The following SLIT3 variants were observed in gnomAD, a reference collection of about 807,000 sequenced individuals.
SLIT3 encodes the protein slit guidance ligand 3.
A neutral mutation model predicts 184.0 loss-of-function variants in SLIT3; 68 were observed. The observed-to-expected ratio is 0.37, with a 90% CI of 0.30 to 0.45. The LOEUF is 0.45. Among genes scored for constraint, SLIT3 ranks in the 20% least tolerant of loss-of-function variants. The pLI, the probability that SLIT3 is intolerant of heterozygous loss-of-function variation, is 1.00. For missense variants in SLIT3, 1,707 were observed against 2,026.0 expected (o/e 0.84, Z 3.02); for synonymous variants, 831 against 828.6 (o/e 1.00, Z -0.05).
chr5:169,267,278 T>A (rs1346206318), intron 1 of SLIT3, among the ~76,000 whole-genome samples: 1 of 152,170 alleles, frequency 6.6e-6, no homozygotes, highest in Non-Finnish European at 1.5e-5. Flanking sequence ...TATAGAGTCC[T>A]AAAGGGTGAA....
At chr5:169,156,724 T>C (rs1256415963) in intron 4 of SLIT3, among the ~76,000 whole-genome samples, 1 of 152,198 alleles carries the variant, frequency 6.6e-6, no homozygotes, top group African/African-American at 2.4e-5. Context: ...CCTGATGATA[T>C]ACATAAAAAG....
rs77536267 is a variant in SLIT3 at position 168,706,294 on chromosome 5, G to A, written c.2844+1682C>T. Reference sequence around the variant, plus strand: ...TTCTTACGGCAAACCTATGAGACAGGTCCTAGTTTGCAGCTGGGAAGACAG... The same window carrying A: ...TTCTTACGGCAAACCTATGAGACAGATCCTAGTTTGCAGCTGGGAAGACAG... On this transcript the variant is annotated intron_variant, in intron 26 of 35. Transcript: ENST00000519560. Among the ~76,000 whole-genome samples the A allele has an allele frequency of 3.4e-4, 52 of 152,298 alleles. No individual in the cohort carries two copies. The East Asian group carries it at 7.4e-3, about 22-fold the overall frequency.
At chr5:169,295,431 C>T (rs1224728247) in intron 1 of SLIT3, among the ~76,000 whole-genome samples, 1 of 152,258 alleles carries the variant, frequency 6.6e-6, no homozygotes, top group African/African-American at 2.4e-5. Context: ...GGGACTGCCT[C>T]AGGCTACATT....
intron 4 of SLIT3, among the ~76,000 whole-genome samples, chr5:169,159,874 A>G (rs1222296641): frequency 6.6e-6 from 1 of 152,238 alleles, no homozygotes; most frequent in Non-Finnish European, 1.5e-5. Flanking sequence ...CAACCAGCAC[A>G]TGCCCTTTCC....
At chr5:168,924,676 AT>A (rs1219739229) in intron 4 of SLIT3, among the ~76,000 whole-genome samples, 1 of 151,708 alleles carries the variant, frequency 6.6e-6, no homozygotes, top group Non-Finnish European at 1.5e-5. Flanking sequence ...CACCCTACTA[AT>A]TTTTTTTGTA....
At chr5:169,137,922 C>A (rs777402855) in intron 4 of SLIT3, among the ~76,000 whole-genome samples, 26 of 152,242 alleles carry the variant, frequency 1.7e-4, no homozygotes, top group Non-Finnish European at 3.4e-4. Flanking sequence ...CTTGTCTCAC[C>A]TCTCTCTCAT....
At chr5:168,707,070 GGGCTCA>G (rs1391853703) in intron 26 of SLIT3, 1 of 152,240 alleles carries the variant, frequency 6.6e-6, no homozygotes, top group East Asian at 1.9e-4. Flanking sequence ...GCCCAAGGAA[GGGCTCA>G]GCTATCCAGG....
intron 4 of SLIT3, among the ~76,000 whole-genome samples, chr5:169,169,126 C>T (rs1762738378): frequency 6.6e-6 from 1 of 152,226 alleles, no homozygotes; most frequent in South Asian, 2.1e-4. Context: ...GGTGCCGGCT[C>T]CTAACCTGCT....
rs564994945 is a variant in SLIT3 at position 169,085,851 on chromosome 5, T to C, written c.413+107628A>G. ...GTGCAAACCACAGGCAGAAATGACATGGGTGTTGCTAGGCAGCCCCATCTT... is the reference window on the plus strand; with the variant it reads ...GTGCAAACCACAGGCAGAAATGACACGGGTGTTGCTAGGCAGCCCCATCTT... On this transcript the variant is annotated intron_variant, in intron 4 of 35. Coordinates refer to ENST00000519560, the MANE Select transcript of SLIT3 (RefSeq NM_003062.4). Among the ~76,000 whole-genome samples, 4 of 152,276 alleles carry C rather than the reference T, an allele frequency of 2.6e-5. No homozygotes were observed. The South Asian group carries it at 8.3e-4, about 32-fold the overall frequency.
intron 5 of SLIT3, among the ~76,000 whole-genome samples, chr5:168,858,880 G>A (rs1759001112): frequency 6.6e-6 from 1 of 152,178 alleles, no homozygotes; most frequent in African/African-American, 2.4e-5. Flanking sequence ...TAAGGCCCCT[G>A]GGCGGGCTGG....
intron 4 of SLIT3, among the ~76,000 whole-genome samples, chr5:169,086,264 C>T (rs1412304644): frequency 6.6e-6 from 1 of 152,160 alleles, no homozygotes; most frequent in Admixed American, 6.5e-5. Context: ...GGATCAGAAC[C>T]CAGGAACTGG....
At chr5:169,069,417 G>T (rs1485382224) in intron 4 of SLIT3, among the ~76,000 whole-genome samples, 4 of 152,216 alleles carry the variant, frequency 2.6e-5, no homozygotes, top group Non-Finnish European at 5.9e-5. Flanking sequence ...TAGGGTCAGA[G>T]TTCAATCCCA....
intron 4 of SLIT3, among the ~76,000 whole-genome samples, chr5:169,130,137 G>A (rs761691709): frequency 3.3e-5 from 5 of 152,070 alleles, no homozygotes; most frequent in African/African-American, 1.2e-4. Flanking sequence ...ATGAGCCACC[G>A]TGCCCAGCCA....
intron 4 of SLIT3, among the ~76,000 whole-genome samples, chr5:169,183,772 T>C (rs1763244573): frequency 6.6e-6 from 1 of 152,228 alleles, no homozygotes; most frequent in Non-Finnish European, 1.5e-5. Flanking sequence ...TGTGGGATGT[T>C]TCACATTCCA....
rs114929136 is a variant in SLIT3 at position 169,050,115 on chromosome 5, A to C, written c.413+143364T>G. 5.3e-3 allele frequency among the ~76,000 whole-genome samples: 813 copies of C among 152,316 alleles called. 6 individuals carry two copies. The highest frequency in any genetic ancestry group is 0.019 in the African/African-American group (787 of 41,560). On this transcript the variant is annotated intron_variant, in intron 4 of 35. Transcript: ENST00000519560. The stretch of plus-strand genomic sequence containing the variant: ...CGTTTTCTACAGTCAGCAACAGAAC[A>C]GAATAGACACATCCAGCAGGCCGTT...
chr5:168,755,554 C>A (rs139716892), intron 16 of SLIT3, among the ~76,000 whole-genome samples: 4,690 of 151,740 alleles, frequency 0.031, 262 homozygotes, highest in African/African-American at 0.11. Context: ...CCTGCCTCAG[C>A]CTCCCGAGTA....
chr5:168,873,154 A>G (rs1316040180), intron 5 of SLIT3, among the ~76,000 whole-genome samples: 10 of 152,102 alleles, frequency 6.6e-5, no homozygotes, highest in African/African-American at 2.4e-4. Flanking sequence ...AATCTCTCAG[A>G]AAAACACTGC....
chr5:169,138,834 A>G (rs144543594), intron 4 of SLIT3, among the ~76,000 whole-genome samples: 138 of 152,358 alleles, frequency 9.1e-4, no homozygotes, highest in African/African-American at 3.1e-3. Context: ...GTGCTTCGCA[A>G]TGAAAATGCC....
At chr5:168,789,204 A>G (rs1028414254) in intron 11 of SLIT3, among the ~76,000 whole-genome samples, 31 of 144,706 alleles carry the variant, frequency 2.1e-4, no homozygotes, top group African/African-American at 7.5e-4. Flanking sequence ...ATAAACACGC[A>G]TCACCATCTC....
Sources: allele counts gnomAD v4.1 joint callset (sites outside exome capture counted in the v4.1 genomes callset), GRCh38; gene constraint gnomAD v4.1.1; transcripts MANE v1.5; gene names NCBI Gene and HGNC (gene_info 2026-07-23, HGNC 2026-07-21).